TMTC2: variants seen among roughly 807,000 people sequenced by gnomAD.
TMTC2 encodes protein O-mannosyl-transferase TMTC2.
In TMTC2, 43 loss-of-function variants were observed where a neutral mutation model predicts 82.4. That is an observed-to-expected ratio of 0.52 (90% CI 0.41 to 0.67). TMTC2 has a LOEUF of 0.67. TMTC2 is among the 30% of genes least tolerant of loss of function. TMTC2 has a pLI of 0.00. For synonymous variants in TMTC2, 408 were observed against 381.9 expected (o/e 1.07, Z -0.80); for missense variants, 919 against 1,012.4 (o/e 0.91, Z 1.25).
intron 3 of TMTC2, among the ~76,000 whole-genome samples, chr12:82,902,951 G>A (rs1874096760): frequency 6.6e-6 from 1 of 152,158 alleles, no homozygotes. Context: ...AGATATGATA[G>A]ATATAGATGC....
At chr12:82,719,705 AGGGT>A (rs1190333476) in intron 1 of TMTC2, among the ~76,000 whole-genome samples, 78 of 123,804 alleles carry the variant, frequency 6.3e-4, no homozygotes, top group Non-Finnish European at 1.0e-3. Context: ...GTCATAGTGT[AGGGT>A]AAAGAGCACA....
rs769168235 is a variant in TMTC2 at position 82,753,876 on chromosome 12, G to A, written c.83+66207G>A. 2.6e-5 allele frequency among the ~76,000 whole-genome samples: 4 copies of A among 152,178 alleles called. No individual in the cohort carries two copies. The East Asian group carries it at 5.8e-4, about 22-fold the overall frequency. ...GAGGAAATACAGGTAAAAATAAAGC[G>A]TACTATATTAATTGGAAAACATTGA... is the stretch of plus-strand genomic sequence containing the variant. On this transcript the variant is annotated intron_variant, in intron 1 of 11. Coordinates refer to ENST00000321196, the MANE Select transcript of TMTC2 (RefSeq NM_152588.3).
intron 7 of TMTC2, among the ~76,000 whole-genome samples, chr12:82,982,837 C>A (rs1451692798): frequency 2.0e-5 from 3 of 151,890 alleles, no homozygotes; most frequent in Non-Finnish European, 4.4e-5. Flanking sequence ...GGTCAGGTAG[C>A]CCTGAGTTTA....
At chr12:82,872,636 T>C (rs1366022626) in intron 2 of TMTC2, among the ~76,000 whole-genome samples, 2 of 152,158 alleles carry the variant, frequency 1.3e-5, no homozygotes, top group East Asian at 3.8e-4. Flanking sequence ...GCAAATTTCA[T>C]AAAAAATACA....
chr12:83,015,691 G>C (rs1476462830), intron 8 of TMTC2, among the ~76,000 whole-genome samples: 1 of 152,174 alleles, frequency 6.6e-6, no homozygotes, highest in Non-Finnish European at 1.5e-5. Context: ...ACATTTTCTT[G>C]TGAAATTACA....
intron 8 of TMTC2, among the ~76,000 whole-genome samples, chr12:83,025,227 C>T (rs1450092847): frequency 6.6e-6 from 1 of 151,590 alleles, no homozygotes; most frequent in Non-Finnish European, 1.5e-5. Flanking sequence ...GAAAAGAAAT[C>T]ATAGTAGCCT....
chr12:83,106,122 C>A (rs1200779606), intron 11 of TMTC2, among the ~76,000 whole-genome samples: 1 of 152,040 alleles, frequency 6.6e-6, no homozygotes, highest in Non-Finnish European at 1.5e-5. Context: ...GGAGGCCACA[C>A]AGCGAAGGAA....
At chr12:82,740,534 C>G (rs991520460) in intron 1 of TMTC2, among the ~76,000 whole-genome samples, 2 of 152,122 alleles carry the variant, frequency 1.3e-5, no homozygotes, top group Admixed American at 1.3e-4. Flanking sequence ...ATGTTATGTA[C>G]TCTGATCCTA....
chr12:83,108,509 A>G (rs1884492825), intron 11 of TMTC2, among the ~76,000 whole-genome samples: 1 of 152,120 alleles, frequency 6.6e-6, no homozygotes, highest in Admixed American at 6.5e-5. Context: ...ACACGCCTGT[A>G]GTCCCGGCTA....
intron 1 of TMTC2, among the ~76,000 whole-genome samples, chr12:82,730,859 T>G (rs568376449): frequency 2.8e-4 from 43 of 152,272 alleles, no homozygotes; most frequent in African/African-American, 8.7e-4. Flanking sequence ...TCTAGAGAGG[T>G]AAAATCAAAC....
chr12:82,691,490 AT>A (rs1872576449), intron 1 of TMTC2, among the ~76,000 whole-genome samples: 1 of 152,148 alleles, frequency 6.6e-6, no homozygotes. Context: ...CTTTATAATG[AT>A]TTTAATATTA....
chr12:82,911,666 G>A (rs1053779949), intron 3 of TMTC2, among the ~76,000 whole-genome samples: 4 of 151,750 alleles, frequency 2.6e-5, no homozygotes, highest in South Asian at 2.1e-4. Flanking sequence ...ACAGTGGCAC[G>A]ATCTTGGCTC....
At chr12:82,822,496 A>C (rs1268721317) in intron 1 of TMTC2, among the ~76,000 whole-genome samples, 1 of 152,156 alleles carries the variant, frequency 6.6e-6, no homozygotes, top group Non-Finnish European at 1.5e-5. Flanking sequence ...GAATACTCTT[A>C]TATAGTCTAT....
chr12:82,766,184 C>T (rs895438170), intron 1 of TMTC2, among the ~76,000 whole-genome samples: 1 of 152,202 alleles, frequency 6.6e-6, no homozygotes, highest in African/African-American at 2.4e-5. Context: ...TCAATATCAC[C>T]TCAGGGCAGA....
chr12:82,938,736 C>A (rs528751773), intron 4 of TMTC2, among the ~76,000 whole-genome samples: 1 of 152,066 alleles, frequency 6.6e-6, no homozygotes, highest in East Asian at 1.9e-4. Flanking sequence ...TAGTATATAA[C>A]GTTCATTTTG....
At chr12:82,878,874 AAAAT>A (rs1306744049) in intron 2 of TMTC2, among the ~76,000 whole-genome samples, 1 of 152,276 alleles carries the variant, frequency 6.6e-6, no homozygotes, top group East Asian at 1.9e-4. Flanking sequence ...CCTGTCTCTA[AAAAT>A]AAATAAATAG....
intron 1 of TMTC2, among the ~76,000 whole-genome samples, chr12:82,771,812 G>GGGAAGTAGGTAGGAAA (rs1378144922): frequency 1.3e-5 from 2 of 151,936 alleles, no homozygotes; most frequent in African/African-American, 4.8e-5. Context: ...GGGTGGGGAG[G>GGGAAGTAGGTAGGAAA]GGAAGTAGGT....
chr12:83,121,853 G>A (rs1285164603), intron 11 of TMTC2, among the ~76,000 whole-genome samples: 1 of 152,084 alleles, frequency 6.6e-6, no homozygotes, highest in East Asian at 1.9e-4. Flanking sequence ...TAGGGATGAG[G>A]TTCCCAGGTC....
At chr12:82,899,037 T>C (rs1873826539) in intron 3 of TMTC2, among the ~76,000 whole-genome samples, 1 of 152,234 alleles carries the variant, frequency 6.6e-6, no homozygotes, top group Non-Finnish European at 1.5e-5. Context: ...CATTTCTTTA[T>C]TTTTCCATTC....
Sources: allele counts gnomAD v4.1 joint callset (sites outside exome capture counted in the v4.1 genomes callset), GRCh38; gene constraint gnomAD v4.1.1; transcripts MANE v1.5; gene names NCBI Gene and HGNC (gene_info 2026-07-23, HGNC 2026-07-21).